The following TRABD2B variants were observed in gnomAD, a reference collection of about 807,000 sequenced individuals.
The protein encoded by TRABD2B is metalloprotease TIKI2.
Under a neutral mutation model 40.1 loss-of-function variants are expected in TRABD2B, and 14 were observed. The ratio of observed to expected loss-of-function variants is 0.35; its 90% CI spans 0.23 to 0.55. TRABD2B has a LOEUF of 0.55. TRABD2B is among the 20% of genes least tolerant of loss of function. The pLI is 0.90. For missense variants in TRABD2B, 541 were observed against 648.6 expected (o/e 0.83, Z 1.80); for synonymous variants, 263 against 277.0 (o/e 0.95, Z 0.50).
At chr1:47,907,611 C>A (rs1428469107) in intron 2 of TRABD2B, among the ~76,000 whole-genome samples, 1 of 152,106 alleles carries the variant, frequency 6.6e-6, no homozygotes, top group African/African-American at 2.4e-5. Context: ...CTCCATTATG[C>A]CATGTCAGGA....
chr1:47,898,805 T>C (rs985630871), intron 2 of TRABD2B, among the ~76,000 whole-genome samples: 1 of 152,230 alleles, frequency 6.6e-6, no homozygotes, highest in African/African-American at 2.4e-5. Context: ...TATTTTGCCA[T>C]CTAACATCCA....
chr1:47,769,825 G>A (rs1644355396), intron 6 of TRABD2B, among the ~76,000 whole-genome samples: 1 of 152,240 alleles, frequency 6.6e-6, no homozygotes, highest in Non-Finnish European at 1.5e-5. Flanking sequence ...CTGGCTTGCT[G>A]TGTGACTTTG....
chr1:47,852,401 A>T (rs1645562533), intron 2 of TRABD2B, among the ~76,000 whole-genome samples: 2 of 152,070 alleles, frequency 1.3e-5, no homozygotes, highest in Admixed American at 6.6e-5. Context: ...TGCCTCCCCC[A>T]CTTCCTGACC....
At chr1:47,926,871 G>A (rs762454205) in intron 2 of TRABD2B, among the ~76,000 whole-genome samples, 1 of 152,106 alleles carries the variant, frequency 6.6e-6, no homozygotes. Context: ...TTTGCTAAGC[G>A]CTGACTGTGT....
At chr1:47,993,030 G>A (rs1387565586) in intron 2 of TRABD2B, among the ~76,000 whole-genome samples, 12 of 152,236 alleles carry the variant, frequency 7.9e-5, no homozygotes, top group African/African-American at 2.4e-4. Context: ...CAACATCTCC[G>A]GAGGAGCAAG....
chr1:47,784,091 A>C (rs1397644366), intron 4 of TRABD2B, among the ~76,000 whole-genome samples: 1 of 152,060 alleles, frequency 6.6e-6, no homozygotes, highest in Non-Finnish European at 1.5e-5. Context: ...ATTTCATTTC[A>C]TCCTTGCAGC....
Position 47,994,351 on chromosome 1 carries a change from G to A in TRABD2B, c.349C>T (p.Leu117Phe). Residue 117 changes from leucine to phenylalanine, a missense_variant, in exon 2 of 7, where the codon CTT (leucine) becomes TTT (phenylalanine). Around this residue, in one of 2 missense-constraint regions of TRABD2B, gnomAD observed 369 missense variants for 492.8 expected, o/e 0.75. Coordinates refer to ENST00000606738, the MANE Select transcript of TRABD2B (RefSeq NM_001194986.2). The surrounding 1 kb of genome is among the most constrained non-coding windows in gnomAD (Gnocchi z 6.7). ...ENLQDVLPHE[L>F]YWRLKRHLDY... ...AGGTGGCGCTTCAAGCGCCAGTAAA[G>A]CTCGTGGGGCAGCACGTCCTGCAGG... 3 of 1,536,224 alleles carry A rather than the reference G, an allele frequency of 2.0e-6. No individual in the cohort carries two copies. Among genetic ancestry groups the A allele is most frequent in the Non-Finnish European group, 2.6e-6 (3 of 1,146,922 alleles).
At chr1:47,933,302 C>G (rs969034642) in intron 2 of TRABD2B, among the ~76,000 whole-genome samples, 1 of 151,478 alleles carries the variant, frequency 6.6e-6, no homozygotes, top group South Asian at 2.1e-4. Flanking sequence ...TTAGTAGAGA[C>G]GGGGTTTCAA....
intron 2 of TRABD2B, among the ~76,000 whole-genome samples, chr1:47,967,335 A>G (rs931465786): frequency 1.4e-5 from 1 of 72,382 alleles, no homozygotes; most frequent in Non-Finnish European, 2.6e-5. Flanking sequence ...ATAAGCAAGA[A>G]AACACACACA....
Position 47,765,607 on chromosome 1 carries a change from G to A in TRABD2B, c.*295C>T, listed in dbSNP as rs1277065581. ...CTCCCGGGCCAGCACTAGGGCTAGG[G>A]GGTTATAACACAGGCCACATAAGAA... On this transcript the variant is annotated 3_prime_UTR_variant, in exon 7 of 7. Coordinates refer to ENST00000606738, the MANE Select transcript of TRABD2B (RefSeq NM_001194986.2). 2.2e-6 allele frequency: 1 copy of A among 447,096 alleles called. No homozygotes were observed. Among genetic ancestry groups the A allele is most frequent in the African/African-American group, 2.0e-5 (1 of 49,916 alleles). The allele number at this position is 447,096 out of a possible 1,614,324, so 27.7% of individuals were successfully genotyped here. A position where few individuals can be genotyped will look rare whatever the true frequency, so the allele number is the denominator to read the frequency against.
chr1:47,794,564 C>T (rs769258648), intron 4 of TRABD2B, 22 bp downstream of exon 4: 1 of 1,497,404 alleles, frequency 6.7e-7, no homozygotes, highest in South Asian at 1.3e-5. Context: ...GCAAACAATC[C>T]CTTCCCCACA....
At chr1:47,850,355 T>A (rs1299864256) in intron 2 of TRABD2B, among the ~76,000 whole-genome samples, 2 of 151,946 alleles carry the variant, frequency 1.3e-5, no homozygotes, top group Non-Finnish European at 2.9e-5. Flanking sequence ...CCAGGAGGAG[T>A]ATATGCAAGC....
intron 2 of TRABD2B, among the ~76,000 whole-genome samples, chr1:47,802,339 C>A (rs1243519708): frequency 6.6e-6 from 1 of 152,148 alleles, no homozygotes; most frequent in Non-Finnish European, 1.5e-5. Flanking sequence ...GCAGTCTGAC[C>A]GTCTCTGGCA....
In TRABD2B at chr1:47,765,890, G is replaced by A; in HGVS notation, c.*12C>T. On this transcript the variant is annotated 3_prime_UTR_variant, in exon 7 of 7. Coordinates refer to ENST00000606738, the MANE Select transcript of TRABD2B (RefSeq NM_001194986.2). ...GTCATTTCTCTGGCTTCTCCACTTG[G>A]GGTGGCCGAGGTCAGGAGGGCCCAA... The A allele has an allele frequency of 2.8e-6, 2 of 702,966 alleles. No homozygotes were observed. Among genetic ancestry groups the A allele is most frequent in the Non-Finnish European group, 5.2e-6 (2 of 384,968 alleles). 43.5% of individuals were successfully genotyped at this position (702,966 alleles called of 1,614,324 possible).
intron 2 of TRABD2B, among the ~76,000 whole-genome samples, chr1:47,898,545 T>C (rs988457049): frequency 3.9e-5 from 6 of 152,194 alleles, no homozygotes; most frequent in African/African-American, 1.4e-4. Flanking sequence ...TCAAGGGGAC[T>C]TTTTTGAAGC....
chr1:47,989,073 T>C (rs192087563), intron 2 of TRABD2B, among the ~76,000 whole-genome samples: 2 of 152,268 alleles, frequency 1.3e-5, no homozygotes, highest in Admixed American at 1.3e-4. Flanking sequence ...CTTTCCACCA[T>C]GTAAATACAC....
chr1:47,861,571 AACAG>A (rs1643971601), intron 2 of TRABD2B, among the ~76,000 whole-genome samples: 1 of 152,356 alleles, frequency 6.6e-6, no homozygotes, highest in East Asian at 1.9e-4. Flanking sequence ...CACAAGAAGA[AACAG>A]ACAATCTGAA....
At chr1:47,995,906 C>A (rs374688710) in intron 1 of TRABD2B, among the ~76,000 whole-genome samples, 119 of 152,312 alleles carry the variant, frequency 7.8e-4, no homozygotes, top group African/African-American at 2.7e-3. Context: ...AGGCAGCACA[C>A]CTACAGCAGC....
At chr1:47,948,223 C>T (rs1224341877) in intron 2 of TRABD2B, among the ~76,000 whole-genome samples, 1 of 152,104 alleles carries the variant, frequency 6.6e-6, no homozygotes, top group East Asian at 1.9e-4. Context: ...GGCAAAGGTG[C>T]TGTTATCCTG....
Sources: allele counts gnomAD v4.1 joint callset (sites outside exome capture counted in the v4.1 genomes callset), GRCh38; gene constraint gnomAD v4.1.1; regional missense constraint gnomAD v4.1.1; non-coding constraint Gnocchi (gnomAD v3.1); transcripts MANE v1.5; gene names NCBI Gene and HGNC (gene_info 2026-07-23, HGNC 2026-07-21).